The following CSMD3 variants were observed in gnomAD, a reference collection of about 807,000 sequenced individuals.
CSMD3 encodes CUB and sushi domain-containing protein 3.
A neutral mutation model predicts 435.2 loss-of-function variants in CSMD3; 177 were observed. That is an observed-to-expected ratio of 0.41 (90% CI 0.36 to 0.46). The LOEUF (loss-of-function observed/expected upper bound fraction) is 0.46. Among genes scored for constraint, CSMD3 ranks in the 20% least tolerant of loss-of-function variants. The probability of loss-of-function intolerance (pLI) is 0.34; values close to 1 mark genes in which losing one functional copy is unlikely to be tolerated. For missense variants in CSMD3, 4,265 were observed against 4,504.6 expected (o/e 0.95, Z 1.52); for synonymous variants, 1,656 against 1,520.5 (o/e 1.09, Z -2.07).
chr8:112,957,702 C>T (rs181699102), intron 7 of CSMD3, among the ~76,000 whole-genome samples: 1 of 151,360 alleles, frequency 6.6e-6, no homozygotes, highest in Non-Finnish European at 1.5e-5. Flanking sequence ...CCTGCCTTGT[C>T]CTTCCAAAGT....
intron 4 of CSMD3, among the ~76,000 whole-genome samples, chr8:113,123,504 T>C (rs536398102): frequency 1.3e-5 from 2 of 152,212 alleles, no homozygotes; most frequent in East Asian, 1.9e-4. Flanking sequence ...AAGTTATTTA[T>C]GTAATTTCAC....
intron 24 of CSMD3, among the ~76,000 whole-genome samples, chr8:112,568,565 A>C (rs1467947106): frequency 6.6e-6 from 1 of 151,942 alleles, no homozygotes; most frequent in Non-Finnish European, 1.5e-5. Context: ...GGCACTGAAA[A>C]AAAAAAAAGA....
intron 32 of CSMD3, among the ~76,000 whole-genome samples, chr8:112,443,321 G>T (rs990289972): frequency 6.6e-6 from 1 of 152,160 alleles, no homozygotes; most frequent in African/African-American, 2.4e-5. Context: ...TTATCTCATG[G>T]TTATTTGAGT....
chr8:113,054,142 T>A (rs2088216390), intron 5 of CSMD3, among the ~76,000 whole-genome samples: 1 of 152,194 alleles, frequency 6.6e-6, no homozygotes, highest in African/African-American at 2.4e-5. Flanking sequence ...TTAATCTGGC[T>A]TAGAGTTCGT....
intron 4 of CSMD3, among the ~76,000 whole-genome samples, chr8:113,101,632 T>A (rs2090332943): frequency 6.6e-6 from 1 of 152,044 alleles, no homozygotes; most frequent in African/African-American, 2.4e-5. Flanking sequence ...CAAGGAAATC[T>A]TGATTTTACA....
chr8:112,391,704 A>T (rs971283380), intron 35 of CSMD3, among the ~76,000 whole-genome samples: 4 of 151,234 alleles, frequency 2.6e-5, no homozygotes, highest in African/African-American at 9.7e-5. Flanking sequence ...AAAAAAAAAA[A>T]GATGAAGCTG....
intron 3 of CSMD3, among the ~76,000 whole-genome samples, chr8:113,242,238 TA>T (rs1208613170): frequency 6.6e-6 from 1 of 151,962 alleles, no homozygotes; most frequent in African/African-American, 2.4e-5. Flanking sequence ...TAGGCACATA[TA>T]CCTACTCATG....
At chr8:113,253,128 C>G (rs1181388205) in intron 3 of CSMD3, among the ~76,000 whole-genome samples, 1 of 152,086 alleles carries the variant, frequency 6.6e-6, no homozygotes, top group Admixed American at 6.6e-5. Flanking sequence ...ATTTCCCAAA[C>G]CAGGACTGAG....
At chr8:112,247,464 T>C (rs1362493823) in intron 63 of CSMD3, among the ~76,000 whole-genome samples, 1 of 151,930 alleles carries the variant, frequency 6.6e-6, no homozygotes, top group Non-Finnish European at 1.5e-5. Flanking sequence ...GAGAGATAGA[T>C]AGTTAGATAA....
At chr8:112,884,789 A>T (rs2081545186) in intron 10 of CSMD3, among the ~76,000 whole-genome samples, 1 of 151,818 alleles carries the variant, frequency 6.6e-6, no homozygotes, top group Non-Finnish European at 1.5e-5. Context: ...TCAAGTATAA[A>T]CTTCAGCTTC....
intron 5 of CSMD3, among the ~76,000 whole-genome samples, chr8:113,090,967 A>G (rs1381984829): frequency 6.6e-6 from 1 of 152,074 alleles, no homozygotes; most frequent in Non-Finnish European, 1.5e-5. Context: ...GAAATTAGAA[A>G]CTATTAGAAA....
At chr8:112,292,503 A>G in intron 55 of CSMD3, 34 bp downstream of exon 55, 1 of 1,602,728 alleles carries the variant, frequency 6.2e-7, no homozygotes, top group Non-Finnish European at 8.5e-7. Flanking sequence ...TATTATTATC[A>G]TGCCACCAAA....
At chr8:113,327,445 C>T (rs2093991519) in intron 1 of CSMD3, among the ~76,000 whole-genome samples, 1 of 151,748 alleles carries the variant, frequency 6.6e-6, no homozygotes, top group African/African-American at 2.4e-5. Context: ...GTGTTTTTTT[C>T]AAGAAAAACT....
intron 13 of CSMD3, among the ~76,000 whole-genome samples, chr8:112,735,327 A>G (rs1040923790): frequency 6.6e-6 from 1 of 152,002 alleles, no homozygotes; most frequent in African/African-American, 2.4e-5. Flanking sequence ...TAAGTTTGTT[A>G]CTTCATACCT....
intron 9 of CSMD3, among the ~76,000 whole-genome samples, chr8:112,924,248 T>G (rs2082839108): frequency 6.6e-6 from 1 of 152,228 alleles, no homozygotes; most frequent in Non-Finnish European, 1.5e-5. Context: ...GCAAAGAGTT[T>G]AGTTAACAAG....
intron 60 of CSMD3, among the ~76,000 whole-genome samples, chr8:112,264,937 G>T (rs1361823226): frequency 1.3e-5 from 2 of 151,910 alleles, no homozygotes; most frequent in African/African-American, 4.8e-5. Flanking sequence ...GTTAATTCTA[G>T]ATTGTATTAT....
At chr8:113,141,048 A>T (rs1395873462) in intron 4 of CSMD3, among the ~76,000 whole-genome samples, 2 of 150,972 alleles carry the variant, frequency 1.3e-5, no homozygotes, top group Non-Finnish European at 3.0e-5. Flanking sequence ...AAAGTAGAAA[A>T]TACTATGAAT....
At chr8:112,464,779 T>G (rs1162227622) in intron 32 of CSMD3, among the ~76,000 whole-genome samples, 1 of 152,200 alleles carries the variant, frequency 6.6e-6, no homozygotes, top group African/African-American at 2.4e-5. Context: ...TTCATGGCCT[T>G]AATCTATACA....
chr8:112,991,263 A>T (rs2085447895), intron 6 of CSMD3, among the ~76,000 whole-genome samples: 1 of 151,552 alleles, frequency 6.6e-6, no homozygotes, highest in Non-Finnish European at 1.5e-5. Flanking sequence ...ATTTCATAGG[A>T]AGATCAATGT....
Sources: allele counts gnomAD v4.1 joint callset (sites outside exome capture counted in the v4.1 genomes callset), GRCh38; gene constraint gnomAD v4.1.1; transcripts MANE v1.5; gene names NCBI Gene and HGNC (gene_info 2026-07-23, HGNC 2026-07-21).